The following DCC variants were observed in gnomAD, a reference collection of about 807,000 sequenced individuals.
DCC encodes DCC netrin 1 receptor.
In DCC, 58 loss-of-function variants were observed where a neutral mutation model predicts 172.5. That is an observed-to-expected ratio of 0.34 (90% CI 0.27 to 0.42). The LOEUF (loss-of-function observed/expected upper bound fraction) is 0.42. DCC is among the 10% of genes least tolerant of loss of function. DCC has a pLI of 1.00. For synonymous variants in DCC, 709 were observed against 644.5 expected, an observed-to-expected ratio of 1.10 and a Z score of -1.52; for missense variants, 1,740 against 1,791.0, an observed-to-expected ratio of 0.97 and a Z score of 0.51.
At chr18:52,899,665 C>CTTTT (rs879845712) in intron 2 of DCC, among the ~76,000 whole-genome samples, 1 of 146,062 alleles carries the variant, frequency 6.8e-6, no homozygotes, top group Non-Finnish European at 1.5e-5. Flanking sequence ...TTAAAAACAA[C>CTTTT]TTTTTTTTTT....
At chr18:52,942,675 G>A (rs1009465709) in intron 5 of DCC, among the ~76,000 whole-genome samples, 6 of 152,052 alleles carry the variant, frequency 3.9e-5, no homozygotes, top group African/African-American at 9.7e-5. Flanking sequence ...ATTCACTACC[G>A]TGAAAACAGC....
At chr18:53,076,465 C>A (rs2042726121) in intron 7 of DCC, among the ~76,000 whole-genome samples, 1 of 152,264 alleles carries the variant, frequency 6.6e-6, no homozygotes, top group East Asian at 1.9e-4. Flanking sequence ...CTCCTTAATT[C>A]CACCTCTGAA....
At chr18:53,257,121 A>G (rs1035787789) in intron 12 of DCC, among the ~76,000 whole-genome samples, 18 of 152,184 alleles carry the variant, frequency 1.2e-4, no homozygotes, top group East Asian at 3.8e-4. Context: ...GGCTGAGACA[A>G]TGGGGTTTTC....
chr18:53,354,958 G>A (rs2057860294), intron 15 of DCC, among the ~76,000 whole-genome samples: 1 of 152,048 alleles, frequency 6.6e-6, no homozygotes, highest in African/African-American at 2.4e-5. Context: ...TGTATAAGGT[G>A]TAAGGAAGGG....
chr18:52,431,053 C>T (rs187958532), intron 1 of DCC, among the ~76,000 whole-genome samples: 106 of 152,304 alleles, frequency 7.0e-4, no homozygotes, highest in Non-Finnish European at 1.3e-3. Context: ...GGTACTTCCA[C>T]TTGCCCTTAA....
At chr18:52,951,514 ATGAG>A (rs1326998179) in intron 5 of DCC, among the ~76,000 whole-genome samples, 2 of 152,034 alleles carry the variant, frequency 1.3e-5, no homozygotes, top group Non-Finnish European at 2.9e-5. Context: ...ACTCTCACTT[ATGAG>A]TGAGAACATG....
At chr18:52,882,907 G>A (rs115177222) in intron 2 of DCC, among the ~76,000 whole-genome samples, 2,614 of 152,130 alleles carry the variant, frequency 0.017, 56 homozygotes, top group African/African-American at 0.046. Context: ...AGCGCTAACA[G>A]TATTTGCTTT....
intron 5 of DCC, among the ~76,000 whole-genome samples, chr18:52,947,836 T>G (rs1256026260): frequency 6.6e-6 from 1 of 152,146 alleles, no homozygotes; most frequent in Admixed American, 6.6e-5. Flanking sequence ...TTCAAGAATC[T>G]TAAATGATTC....
chr18:53,227,563 G>A (rs181969056), intron 12 of DCC, among the ~76,000 whole-genome samples: 1 of 152,294 alleles, frequency 6.6e-6, no homozygotes, highest in Admixed American at 6.5e-5. Flanking sequence ...TGTATAAAGT[G>A]TATGTTGCAT....
At chr18:53,187,778 G>A (rs1295951488) in intron 9 of DCC, among the ~76,000 whole-genome samples, 2 of 152,146 alleles carry the variant, frequency 1.3e-5, no homozygotes, top group Non-Finnish European at 2.9e-5. Flanking sequence ...CCTCCTTGGG[G>A]AACCCAAGAT....
intron 1 of DCC, among the ~76,000 whole-genome samples, chr18:52,451,796 C>T (rs1260898720): frequency 1.3e-5 from 2 of 152,028 alleles, no homozygotes; most frequent in Non-Finnish European, 2.9e-5. Flanking sequence ...TTGCAGGTCC[C>T]TGGTGTCTTG....
chr18:52,503,807 A>G (rs1169205082), intron 1 of DCC, among the ~76,000 whole-genome samples: 1 of 152,080 alleles, frequency 6.6e-6, no homozygotes, highest in Non-Finnish European at 1.5e-5. Flanking sequence ...CACTTGAAGA[A>G]GATATTTGGC....
chr18:52,366,777 A>T (rs1363465861), intron 1 of DCC, among the ~76,000 whole-genome samples: 2 of 152,170 alleles, frequency 1.3e-5, no homozygotes, highest in Non-Finnish European at 2.9e-5. Flanking sequence ...TGTATTTACA[A>T]TCCCTGAGCT....
intron 12 of DCC, among the ~76,000 whole-genome samples, chr18:53,241,761 C>T (rs772640363): frequency 1.3e-5 from 2 of 152,092 alleles, no homozygotes; most frequent in East Asian, 1.9e-4. Flanking sequence ...GCAGTGGCTG[C>T]GCACTAAGTC....
intron 12 of DCC, among the ~76,000 whole-genome samples, chr18:53,239,783 T>C (rs760143800): frequency 2.0e-5 from 3 of 152,062 alleles, no homozygotes; most frequent in Non-Finnish European, 4.4e-5. Context: ...CAAAATGATA[T>C]ACAGTATTTT....
intron 1 of DCC, among the ~76,000 whole-genome samples, chr18:52,443,060 T>C (rs1221812176): frequency 1.3e-5 from 2 of 152,032 alleles, no homozygotes; most frequent in African/African-American, 2.4e-5. Context: ...ACAATGGTAA[T>C]AATTAAAAAC....
intron 1 of DCC, among the ~76,000 whole-genome samples, chr18:52,663,492 G>T (rs2035402504): frequency 6.6e-6 from 1 of 152,230 alleles, no homozygotes; most frequent in Non-Finnish European, 1.5e-5. Context: ...TGGGCAAAAG[G>T]TTGTAGTTCT....
intron 15 of DCC, among the ~76,000 whole-genome samples, chr18:53,379,591 C>T (rs1402368098): frequency 6.6e-6 from 1 of 152,148 alleles, no homozygotes; most frequent in Non-Finnish European, 1.5e-5. Flanking sequence ...CCTACCAAGT[C>T]TCAGGGGAAG....
chr18:53,019,882 C>A (rs1599034182), intron 5 of DCC, among the ~76,000 whole-genome samples: 1 of 152,254 alleles, frequency 6.6e-6, no homozygotes, highest in Middle Eastern at 3.4e-3. Context: ...AAAGGACCTT[C>A]ATTGACTCCT....
Sources: allele counts gnomAD v4.1 joint callset (sites outside exome capture counted in the v4.1 genomes callset), GRCh38; gene constraint gnomAD v4.1.1; transcripts MANE v1.5; gene names NCBI Gene and HGNC (gene_info 2026-07-23, HGNC 2026-07-21).